The following NEK6 variants were observed in gnomAD, a reference collection of about 807,000 sequenced individuals.
NEK6 encodes serine/threonine-protein kinase Nek6.
A neutral mutation model predicts 43.5 loss-of-function variants in NEK6; 27 were observed. The ratio of observed to expected loss-of-function variants is 0.62; its 90% CI spans 0.46 to 0.86. The LOEUF is 0.86. Among genes scored for constraint, NEK6 ranks in the 40% least tolerant of loss-of-function variants. The pLI, the probability that NEK6 is intolerant of heterozygous loss-of-function variation, is 0.00. For missense variants in NEK6, 318 were observed against 414.4 expected, an observed-to-expected ratio of 0.77 and a Z score of 2.02; for synonymous variants, 167 against 164.1, an observed-to-expected ratio of 1.02 and a Z score of -0.14.
chr9:124,346,474 GC>G (rs34991061), intron 8 of NEK6, among the ~76,000 whole-genome samples: 1 of 152,184 alleles, frequency 6.6e-6, no homozygotes, highest in Admixed American at 6.5e-5. Context: ...GCGCCCAGGA[GC>G]CCTTGGCCAA....
chr9:124,297,877 A>C (rs933984308), intron 1 of NEK6, among the ~76,000 whole-genome samples: 1 of 152,108 alleles, frequency 6.6e-6, no homozygotes, highest in Non-Finnish European at 1.5e-5. Flanking sequence ...GCCTTTCTGC[A>C]TCTGAACCCC....
intron 1 of NEK6, chr9:124,292,701 G>A: frequency 8.8e-7 from 1 of 1,134,832 alleles, no homozygotes; most frequent in Non-Finnish European, 1.2e-6. Context: ...GGCATGAGTT[G>A]GTCTCGGGGG....
At chr9:124,315,749 C>T (rs927523336) in intron 4 of NEK6, among the ~76,000 whole-genome samples, 30 of 152,302 alleles carry the variant, frequency 2.0e-4, no homozygotes, top group African/African-American at 7.2e-4. Flanking sequence ...CTGAGCCTGG[C>T]GTAAACCCAC....
chr9:124,324,430 G>T lies in NEK6; in HGVS notation c.406-1900G>T, dbSNP rs1057157795. 6.6e-6 allele frequency among the ~76,000 whole-genome samples: 1 copy of T among 152,224 alleles called. No homozygotes were observed. The highest frequency in any genetic ancestry group is 2.1e-4 in the South Asian group (1 of 4,832). ...CAGCCATGGTGCCCGAGTTATTTAC[G>T]AGGAAGAGTGAAGCTAGGAGCTGCC... On this transcript the variant is annotated intron_variant, in intron 5 of 9. Transcript: ENST00000320246. This position sits in a 1 kb window ranked among gnomAD's most constrained non-coding sequence, Gnocchi z 5.3.
chr9:124,281,772 T>C (rs556743255), intron 1 of NEK6, among the ~76,000 whole-genome samples: 1 of 152,334 alleles, frequency 6.6e-6, no homozygotes, highest in East Asian at 1.9e-4. Flanking sequence ...GTGCTGGGAT[T>C]ACAGGCGTAA....
chr9:124,294,057 A>G (rs890095186), intron 1 of NEK6, among the ~76,000 whole-genome samples: 3 of 152,202 alleles, frequency 2.0e-5, no homozygotes, highest in African/African-American at 7.2e-5. Flanking sequence ...GACTTCCCCA[A>G]GGTCCCACAA....
chr9:124,339,873 G>A (rs896352116), intron 8 of NEK6, among the ~76,000 whole-genome samples: 1 of 148,504 alleles, frequency 6.7e-6, no homozygotes, highest in African/African-American at 2.5e-5. Context: ...GAGGCTGTTA[G>A]AGGGTGGACA....
chr9:124,325,064 A>G (rs1326006290), intron 5 of NEK6, among the ~76,000 whole-genome samples: 1 of 152,032 alleles, frequency 6.6e-6, no homozygotes, highest in Non-Finnish European at 1.5e-5. Context: ...AATCCCAGCT[A>G]CTCGGGAGAC....
chr9:124,279,070 A>G (rs1382053367), intron 1 of NEK6, among the ~76,000 whole-genome samples: 1 of 151,340 alleles, frequency 6.6e-6, no homozygotes, highest in Non-Finnish European at 1.5e-5. Flanking sequence ...AGTGTCCCAT[A>G]TTTCAATTCT....
At chr9:124,291,567 G>A (rs963248409) in intron 1 of NEK6, among the ~76,000 whole-genome samples, 14 of 152,104 alleles carry the variant, frequency 9.2e-5, no homozygotes, top group African/African-American at 2.4e-4. Flanking sequence ...CGGAGGTTGC[G>A]GTGAGCCAAG....
chr9:124,281,487 C>CTT lies in NEK6; in HGVS notation c.-29-20420_-29-20419dup, dbSNP rs759381068. Among the ~76,000 whole-genome samples the CTT allele has an allele frequency of 9.0e-3, 930 of 102,856 alleles. 55 individuals are homozygous for CTT. The highest frequency in any genetic ancestry group is 0.011 in the Non-Finnish European group (593 of 52,450). The allele number at this position is 102,856 out of a possible 152,430, so 67.5% of individuals were successfully genotyped here. ...CTACTTTCCATGTCAGCTGTTTTTT[C>CTT]TTTTTTTTTTTTTTTTTTTTTTTTT... On this transcript the variant is annotated intron_variant, in intron 1 of 9. Coordinates refer to ENST00000320246, the MANE Select transcript of NEK6 (RefSeq NM_014397.6).
chr9:124,291,436 G>A (rs1234388460), intron 1 of NEK6, among the ~76,000 whole-genome samples: 1 of 152,198 alleles, frequency 6.6e-6, no homozygotes. Flanking sequence ...AGACCAGCCT[G>A]ACCAACATGG....
rs1245678838 is a variant in NEK6, at chr9:124,353,067, T to C, written c.*2120T>C. On this transcript the variant is annotated 3_prime_UTR_variant, in exon 10 of 10. Transcript: ENST00000320246. ...TGAGGTCCACCCACCTTCACACAGCTCTGGCGGTGCACCTGCTCACCTTCT... is the reference window on the plus strand; with the variant it reads ...TGAGGTCCACCCACCTTCACACAGCCCTGGCGGTGCACCTGCTCACCTTCT... 2.6e-5 allele frequency: 4 copies of C among 154,524 alleles called. No individual in the cohort carries two copies. The highest frequency in any genetic ancestry group is 9.6e-5 in the African/African-American group (4 of 41,482). 9.6% of individuals were successfully genotyped at this position (154,524 alleles called of 1,614,324 possible).
At chr9:124,345,307 C>G (rs1489220016) in intron 8 of NEK6, among the ~76,000 whole-genome samples, 1 of 152,234 alleles carries the variant, frequency 6.6e-6, no homozygotes, top group South Asian at 2.1e-4. Context: ...CAGCCCAGAG[C>G]TTTCTTCACA....
At chr9:124,273,908 G>A (rs974431011) in intron 1 of NEK6, among the ~76,000 whole-genome samples, 3 of 152,156 alleles carry the variant, frequency 2.0e-5, no homozygotes, top group Admixed American at 6.5e-5. Flanking sequence ...AGGCCCCAAC[G>A]GAGGGTGAAT....
rs1036496271 is a variant in NEK6 at position 124,275,037 on chromosome 9, C to G, written c.-30+16952C>G. On this transcript the variant is annotated intron_variant, in intron 1 of 9. Transcript: ENST00000320246. The surrounding 1 kb of genome is among the most constrained non-coding windows in gnomAD (Gnocchi z 4.4). ...AGGGACCCCAGGGGCACGAGCTCTG[C>G]TTAGTTCTTGTGATTAGTTCATCGT... is the stretch of plus-strand genomic sequence containing the variant. Among the ~76,000 whole-genome samples, 26 of 152,310 alleles carry G rather than the reference C, an allele frequency of 1.7e-4. 1 individual carries two copies. Among genetic ancestry groups the G allele is most frequent in the South Asian group, 1.7e-3 (8 of 4,830 alleles).
intron 8 of NEK6, among the ~76,000 whole-genome samples, chr9:124,342,393 C>G (rs930162003): frequency 6.6e-6 from 1 of 152,372 alleles, no homozygotes; most frequent in East Asian, 1.9e-4. Context: ...CATCCAAATC[C>G]CAGCTCCAGG....
chr9:124,270,642 G>A (rs1183623630), intron 1 of NEK6, among the ~76,000 whole-genome samples: 3 of 152,174 alleles, frequency 2.0e-5, no homozygotes, highest in Non-Finnish European at 4.4e-5. Flanking sequence ...CAGGGTGAGT[G>A]CAGACCTCAC....
rs544103186 is a variant in NEK6 at position 124,287,210 on chromosome 9, C to T, written c.-29-14726C>T. Reference sequence around the variant, plus strand: ...GGAGGTCATGGAGACAAGACTCGAACCCAGGATTGGGGCCCCCAGGTCCTC... The same window carrying T: ...GGAGGTCATGGAGACAAGACTCGAATCCAGGATTGGGGCCCCCAGGTCCTC... On this transcript the variant is annotated intron_variant, in intron 1 of 9. Transcript: ENST00000320246. Among the ~76,000 whole-genome samples, 62 of 152,288 alleles carry T rather than the reference C, an allele frequency of 4.1e-4. No homozygotes were observed. In the South Asian group the frequency reaches 0.012, roughly 30 times the overall value.
Sources: allele counts gnomAD v4.1 joint callset (sites outside exome capture counted in the v4.1 genomes callset), GRCh38; gene constraint gnomAD v4.1.1; non-coding constraint Gnocchi (gnomAD v3.1); transcripts MANE v1.5; gene names NCBI Gene and HGNC (gene_info 2026-07-23, HGNC 2026-07-21).